STRADB: variants seen among roughly 807,000 people sequenced by gnomAD.
The protein encoded by STRADB is STE20-related kinase adapter protein beta.
A neutral mutation model predicts 52.1 loss-of-function variants in STRADB; 34 were observed. The ratio of observed to expected loss-of-function variants is 0.65; its 90% CI spans 0.50 to 0.87. The LOEUF is 0.87. STRADB is among the 40% of genes least tolerant of loss of function. The probability of loss-of-function intolerance (pLI) is 0.00; values close to 1 mark genes in which losing one functional copy is unlikely to be tolerated. For synonymous variants in STRADB, 133 were observed against 174.5 expected (o/e 0.76, Z 1.87); for missense variants, 340 against 483.9 (o/e 0.70, Z 2.79).
intron 3 of STRADB, among the ~76,000 whole-genome samples, 185 bp downstream of exon 3, chr2:201,459,049 A>G (rs1952172976): frequency 1.3e-5 from 2 of 151,958 alleles, no homozygotes; most frequent in African/African-American, 2.4e-5. Flanking sequence ...CTGTAATACT[A>G]TTCACTCCTA....
At chr2:201,477,406 G>T (rs182516322) in intron 7 of STRADB, among the ~76,000 whole-genome samples, 1 of 152,268 alleles carries the variant, frequency 6.6e-6, no homozygotes, top group African/African-American at 2.4e-5. Flanking sequence ...CTTTACTTGT[G>T]TTGGTGCTGT....
At chr2:201,458,410 T>C (rs550742218) in intron 2 of STRADB, among the ~76,000 whole-genome samples, 3 of 152,334 alleles carry the variant, frequency 2.0e-5, no homozygotes, top group African/African-American at 7.2e-5. Flanking sequence ...AAAATAATTA[T>C]AATGAATTCA....
At chr2:201,466,784 G>A (rs1952311185) in intron 3 of STRADB, among the ~76,000 whole-genome samples, 1 of 152,184 alleles carries the variant, frequency 6.6e-6, no homozygotes, top group African/African-American at 2.4e-5. Context: ...TGATTCATGA[G>A]AGGCCATCTG....
chr2:201,472,570 G>T (rs1952406730), intron 4 of STRADB, among the ~76,000 whole-genome samples: 1 of 152,218 alleles, frequency 6.6e-6, no homozygotes, highest in Non-Finnish European at 1.5e-5. Flanking sequence ...GGTTGCCAGG[G>T]ACTGGGAGTG....
intron 3 of STRADB, 35 bp from the exon 4 acceptor site, chr2:201,469,918 A>G (rs1485063529): frequency 1.3e-6 from 2 of 1,505,768 alleles, no homozygotes; most frequent in Admixed American, 1.7e-5. Flanking sequence ...CAAGAAGTTC[A>G]TCTATTTTGT....
Position 201,460,663 on chromosome 2 carries a change from C to T in STRADB, c.93+1799C>T, listed in dbSNP as rs183847057. ...ATTTCACTTAACATAGTGTCCTTCACTTCCATCCATGTTGTTGCAAATGGT... is the reference window on the plus strand; with the variant it reads ...ATTTCACTTAACATAGTGTCCTTCATTTCCATCCATGTTGTTGCAAATGGT... On this transcript the variant is annotated intron_variant, in intron 3 of 11. Coordinates refer to ENST00000194530, the MANE Select transcript of STRADB (RefSeq NM_018571.6). The T allele has an allele frequency of 1.2e-3, 198 of 163,510 alleles. 1 individual carries two copies. Among genetic ancestry groups the T allele is most frequent in the African/African-American group, 4.5e-3 (190 of 41,886 alleles). 10.1% of individuals were successfully genotyped at this position (163,510 alleles called of 1,614,324 possible).
Position 201,458,801 on chromosome 2 carries a change from A to C in STRADB, c.30A>C (p.Ser10=), listed in dbSNP as rs370376712. Residue 10 remains serine, a synonymous_variant, in exon 3 of 12, where the codon TCA becomes TCC. Transcript: ENST00000194530. MSLLDCFCT[S]RTQVESLRPE... The stretch of plus-strand genomic sequence containing the variant: ...ACTTCCAGGATTGCTTCTGCACTTC[A>C]AGAACACAAGTTGAATCACTCAGAC... 2 of 1,613,840 alleles carry C rather than the reference A, an allele frequency of 1.2e-6. No homozygotes were observed. Among genetic ancestry groups the C allele is most frequent in the Non-Finnish European group, 8.5e-7 (1 of 1,179,904 alleles).
At chr2:201,464,931 G>A (rs934360938) in intron 3 of STRADB, among the ~76,000 whole-genome samples, 13 of 152,138 alleles carry the variant, frequency 8.5e-5, no homozygotes, top group African/African-American at 2.9e-4. Context: ...CTTGAGGCCC[G>A]AGGGCTCTTC....
In STRADB at chr2:201,480,832, G is replaced by A. The variant is rs1368788733; in HGVS notation, c.*657G>A. The A allele has an allele frequency of 1.0e-6, 1 of 985,462 alleles. No individual in the cohort carries two copies. Among genetic ancestry groups the A allele is most frequent in the Non-Finnish European group, 1.2e-6 (1 of 829,818 alleles). 61.0% of individuals were successfully genotyped at this position (985,462 alleles called of 1,614,324 possible). On this transcript the variant is annotated 3_prime_UTR_variant, in exon 12 of 12. Transcript: ENST00000194530. ...ACGCACCCCGTGGGAGCTCAATAAA[G>A]ATTTACTGAATTGAGTTTATGCTTT...
In STRADB at chr2:201,455,409, G is replaced by A. The variant is rs144737874; in HGVS notation, c.12+557G>A. Among the ~76,000 whole-genome samples, 341 of 138,186 alleles carry A rather than the reference G, an allele frequency of 2.5e-3. 3 individuals are homozygous for A. The highest frequency in any genetic ancestry group is 8.2e-3 in the African/African-American group (321 of 39,330). The allele number at this position is 138,186 out of a possible 152,430, so 90.7% of individuals were successfully genotyped here. On this transcript the variant is annotated intron_variant, in intron 2 of 11. Transcript: ENST00000194530. Reference sequence around the variant, plus strand: ...ATAGGGAATACTTATATTAAAATGTGGTTTTTAAAAAAGTAATGAGTAGAC... The same window carrying A: ...ATAGGGAATACTTATATTAAAATGTAGTTTTTAAAAAAGTAATGAGTAGAC...
chr2:201,474,092 G>C (rs1044285819), intron 5 of STRADB, among the ~76,000 whole-genome samples: 1 of 151,878 alleles, frequency 6.6e-6, no homozygotes, highest in Admixed American at 6.6e-5. Context: ...GGGTTTCACC[G>C]TGTTAGCCAG....
rs371698502 is a variant in STRADB, at chr2:201,478,167, T to C, written c.801T>C (p.Pro267=). The C allele has an allele frequency of 1.2e-4, 199 of 1,613,392 alleles. No homozygotes were observed. Among genetic ancestry groups the C allele is most frequent in the Non-Finnish European group, 1.5e-4 (180 of 1,179,764 alleles). Reference sequence around the variant, plus strand: ...GTGAATTAGCCAGTGGGCAGGTGCCTTTCCAGGACATGCATAGAACTCAGG... The same window carrying C: ...GTGAATTAGCCAGTGGGCAGGTGCCCTTCCAGGACATGCATAGAACTCAGG... ...TACELASGQV[P]FQDMHRTQML... is the part of the protein sequence containing the mutation. The change falls in exon 9 of 12, where the codon CCT becomes CCC. Residue 267 remains proline, a synonymous_variant. Coordinates refer to ENST00000194530, the MANE Select transcript of STRADB (RefSeq NM_018571.6).
At chr2:201,470,458 A>T (rs988993651) in intron 4 of STRADB, among the ~76,000 whole-genome samples, 2 of 152,234 alleles carry the variant, frequency 1.3e-5, no homozygotes, top group African/African-American at 2.4e-5. Context: ...TGTAGTAGAA[A>T]GCTTTTTCAG....
intron 3 of STRADB, among the ~76,000 whole-genome samples, chr2:201,461,246 T>C (rs900729746): frequency 3.3e-5 from 5 of 152,170 alleles, no homozygotes; most frequent in African/African-American, 1.2e-4. Context: ...TGCACTGCAG[T>C]GGTGTAATCA....
chr2:201,475,972 T>G (rs780636149), intron 7 of STRADB, among the ~76,000 whole-genome samples: 18 of 152,144 alleles, frequency 1.2e-4, no homozygotes, highest in Admixed American at 6.5e-5. Flanking sequence ...GGGATTGGGG[T>G]GGAGTGCCTG....
intron 8 of STRADB, 38 bp from the exon 9 acceptor site, chr2:201,478,048 AT>A (rs1559469454): frequency 3.9e-6 from 6 of 1,536,300 alleles, no homozygotes; most frequent in Non-Finnish European, 5.3e-6. Context: ...TGGTTAACTT[AT>A]TTGCACTAAA....
intron 2 of STRADB, 92 bp from the exon 3 acceptor site, chr2:201,458,692 A>G (rs910163287): frequency 9.1e-6 from 10 of 1,100,896 alleles, no homozygotes; most frequent in Non-Finnish European, 1.3e-5. Flanking sequence ...TCTTTTCCCC[A>G]CTGTAGTCAT....
chr2:201,456,296 A>G (rs1952126470), intron 2 of STRADB, among the ~76,000 whole-genome samples: 3 of 152,198 alleles, frequency 2.0e-5, no homozygotes, highest in Non-Finnish European at 2.9e-5. Context: ...TAAGATTTAC[A>G]ATTTTATATC....
intron 4 of STRADB, 77 bp downstream of exon 4, chr2:201,470,129 AG>A (rs1442733612): frequency 8.5e-7 from 1 of 1,175,920 alleles, no homozygotes; most frequent in Non-Finnish European, 1.3e-6. Flanking sequence ...TTTGTGGGCA[AG>A]TGTTTTTCTG....
Sources: gnomAD v4.1 joint callset for allele counts (sites outside exome capture counted in the v4.1 genomes callset) on GRCh38, gnomAD v4.1.1 for gene constraint, MANE v1.5 for transcripts, NCBI Gene and HGNC (gene_info 2026-07-23, HGNC 2026-07-21) for gene names.